RAD51: variants seen among roughly 807,000 people sequenced by gnomAD.
The protein encoded by RAD51 is RAD51 recombinase.
RAD51 carries 14 observed loss-of-function variants against 41.5 expected under a neutral mutation model. The observed-to-expected ratio is 0.34, with a 90% CI of 0.22 to 0.53. RAD51 has a LOEUF of 0.53. Ranked by LOEUF, RAD51 falls within the 20% of genes least tolerant of loss-of-function variation. The pLI is 0.95. For synonymous variants in RAD51, 136 were observed against 148.6 expected (o/e 0.92, Z 0.62); for missense variants, 234 against 422.0 (o/e 0.55, Z 3.90).
intron 4 of RAD51, among the ~76,000 whole-genome samples, chr15:40,707,241 C>G (rs1895407262): frequency 6.8e-6 from 1 of 147,984 alleles, no homozygotes; most frequent in African/African-American, 2.5e-5. Context: ...AAGCCATCCT[C>G]CTGCCTCAGC....
rs572082069 is a variant in RAD51 at position 40,731,233 on chromosome 15, G to T, written c.*55G>T. 6.2e-7 allele frequency: 1 copy of T among 1,610,974 alleles called. No homozygotes were observed. The highest frequency in any genetic ancestry group is 1.7e-5 in the Admixed American group (1 of 59,958). On this transcript the variant is annotated 3_prime_UTR_variant, in exon 10 of 10. Coordinates refer to ENST00000267868, the MANE Select transcript of RAD51 (RefSeq NM_002875.5). ...TTAAGTGCTGCAGCCTAATGAGAGT[G>T]CACTGCTCCCTGGGGTTCTCTACAG...
chr15:40,704,190 C>T (rs900711788), intron 3 of RAD51, among the ~76,000 whole-genome samples: 1 of 151,830 alleles, frequency 6.6e-6, no homozygotes, highest in South Asian at 2.1e-4. Flanking sequence ...TCTCCTGCCT[C>T]AGCCTCCTGA....
intron 7 of RAD51, among the ~76,000 whole-genome samples, chr15:40,729,183 T>C (rs552539756): frequency 7.9e-5 from 12 of 151,978 alleles, no homozygotes; most frequent in South Asian, 2.1e-4. Context: ...ACATCCTGGC[T>C]AACACGGTGA....
At chr15:40,708,265 G>C (rs1354447550) in intron 4 of RAD51, among the ~76,000 whole-genome samples, 2 of 102,968 alleles carry the variant, frequency 1.9e-5, no homozygotes, top group East Asian at 5.8e-4. Flanking sequence ...GTCTCACTTT[G>C]TCACCCAGGC....
chr15:40,724,670 ATTTCT>A (rs1896458085), intron 6 of RAD51, among the ~76,000 whole-genome samples: 3 of 72,026 alleles, frequency 4.2e-5, no homozygotes, highest in Non-Finnish European at 8.6e-5. Context: ...TAATTTTTTT[ATTTCT>A]TTTTTTTTTT....
At chr15:40,729,206 T>G (rs565247971) in intron 7 of RAD51, among the ~76,000 whole-genome samples, 47 of 151,470 alleles carry the variant, frequency 3.1e-4, no homozygotes, top group Non-Finnish European at 6.6e-4. Context: ...CCGTCTCTAC[T>G]AAAAAAATAC....
intron 6 of RAD51, among the ~76,000 whole-genome samples, chr15:40,720,783 G>A (rs1177011388): frequency 6.6e-6 from 1 of 152,106 alleles, no homozygotes; most frequent in African/African-American, 2.4e-5. Flanking sequence ...CAAAAGAAAT[G>A]TAAGATTTGT....
At chr15:40,695,002 T>TA (rs1173402991), upstream of RAD51, 3 of 152,316 alleles carry the variant, frequency 2.0e-5, no homozygotes, top group Non-Finnish European at 4.4e-5. Context: ...AAGTTTGAAT[T>TA]AGTCCTTACG....
chr15:40,729,688 A>G (rs2141882881), intron 8 of RAD51, 54 bp downstream of exon 8: 1 of 1,612,570 alleles, frequency 6.2e-7, no homozygotes, highest in Admixed American at 1.7e-5. Context: ...TGTGAATTCC[A>G]GGAGCCTTGC....
intron 1 of RAD51, among the ~76,000 whole-genome samples, chr15:40,698,355 A>G (rs975272677): frequency 7.2e-5 from 11 of 151,744 alleles, no homozygotes; most frequent in Non-Finnish European, 1.0e-4. Flanking sequence ...CACCCTGCTA[A>G]TATTTGTATT....
At chr15:40,715,591 C>T (rs1472052110) in intron 5 of RAD51, among the ~76,000 whole-genome samples, 1 of 152,096 alleles carries the variant, frequency 6.6e-6, no homozygotes, top group African/African-American at 2.4e-5. Context: ...TATCCCAATC[C>T]AGTAACAGAA....
intron 6 of RAD51, among the ~76,000 whole-genome samples, chr15:40,724,154 T>C (rs1280543667): frequency 6.6e-6 from 1 of 152,230 alleles, no homozygotes; most frequent in African/African-American, 2.4e-5. Flanking sequence ...CAGCTTTTTG[T>C]CTCTGCCTAC....
intron 3 of RAD51, among the ~76,000 whole-genome samples, chr15:40,703,199 A>T (rs145488710): frequency 2.7e-4 from 41 of 152,264 alleles, no homozygotes; most frequent in Admixed American, 9.2e-4. Flanking sequence ...CATATCCTTC[A>T]GAGTCCCTGG....
intron 3 of RAD51, among the ~76,000 whole-genome samples, chr15:40,703,486 CATT>C (rs766793886): frequency 1.3e-5 from 2 of 152,062 alleles, no homozygotes; most frequent in Non-Finnish European, 2.9e-5. Flanking sequence ...GAAATTTAAA[CATT>C]ATGAAAGTTT....
intron 6 of RAD51, among the ~76,000 whole-genome samples, chr15:40,724,522 T>C (rs1235041781): frequency 6.6e-6 from 1 of 152,080 alleles, no homozygotes; most frequent in African/African-American, 2.4e-5. Flanking sequence ...GTTTGTTTTT[T>C]TAGAGACGGG....
intron 6 of RAD51, among the ~76,000 whole-genome samples, chr15:40,722,859 A>G (rs1033848162): frequency 9.2e-5 from 14 of 152,196 alleles, no homozygotes; most frequent in African/African-American, 3.4e-4. Context: ...GTTAGTTTTC[A>G]CTTCATCAAA....
intron 6 of RAD51, among the ~76,000 whole-genome samples, chr15:40,723,386 G>T (rs1896378807): frequency 6.6e-6 from 1 of 152,108 alleles, no homozygotes; most frequent in Non-Finnish European, 1.5e-5. Flanking sequence ...ACAAAGACTT[G>T]TATGATAATG....
At chr15:40,719,398 TAA>T (rs34016485) in intron 6 of RAD51, among the ~76,000 whole-genome samples, 4 of 149,396 alleles carry the variant, frequency 2.7e-5, no homozygotes, top group Non-Finnish European at 3.0e-5. Flanking sequence ...AGACTGGATT[TAA>T]AAAAAAAAAA....
intron 5 of RAD51, among the ~76,000 whole-genome samples, chr15:40,712,182 A>G (rs2141843290): frequency 6.6e-6 from 1 of 152,314 alleles, no homozygotes; most frequent in African/African-American, 2.4e-5. Flanking sequence ...GATAGTGACA[A>G]TAAAGAGAAG....
Sources: gnomAD v4.1 joint callset for allele counts (sites outside exome capture counted in the v4.1 genomes callset) on GRCh38, gnomAD v4.1.1 for gene constraint, MANE v1.5 for transcripts, NCBI Gene and HGNC (gene_info 2026-07-23, HGNC 2026-07-21) for gene names.